The following MB21D2 variants were observed in gnomAD, a reference collection of about 807,000 sequenced individuals.
The protein encoded by MB21D2 is nucleotidyltransferase MB21D2.
MB21D2 carries 9 observed loss-of-function variants against 33.3 expected under a neutral mutation model. The observed-to-expected ratio is 0.27, with a 90% confidence interval of 0.16 to 0.47. The LOEUF (loss-of-function observed/expected upper bound fraction) is 0.47. Among genes scored for constraint, MB21D2 ranks in the 20% least tolerant of loss-of-function variants. The probability of loss-of-function intolerance (pLI) is 0.99; values close to 1 mark genes in which losing one functional copy is unlikely to be tolerated. For missense variants in MB21D2, 540 were observed against 624.6 expected, an observed-to-expected ratio of 0.86 and a Z score of 1.44; for synonymous variants, 241 against 236.3, an observed-to-expected ratio of 1.02 and a Z score of -0.18.
At chr3:192,871,511 G>T (rs6775108) in intron 1 of MB21D2, among the ~76,000 whole-genome samples, 90,225 of 152,018 alleles carry the variant, frequency 0.59, 28,194 homozygotes, top group African/African-American at 0.78. Flanking sequence ...AGCTGATATT[G>T]TATAACAACG....
chr3:192,902,024 T>C (rs1004814358), intron 1 of MB21D2, among the ~76,000 whole-genome samples: 1 of 152,188 alleles, frequency 6.6e-6, no homozygotes, highest in African/African-American at 2.4e-5. Context: ...ACCTTCTTAC[T>C]TTCAAAAGGA....
chr3:192,882,557 C>A (rs1179086165), intron 1 of MB21D2, among the ~76,000 whole-genome samples: 5 of 152,076 alleles, frequency 3.3e-5, no homozygotes, highest in Non-Finnish European at 7.3e-5. Flanking sequence ...ATCTGATTCT[C>A]TAGGAGATGA....
Position 192,798,680 on chromosome 3 carries a change from C to A in MB21D2, c.1182G>T (p.Met394Ile), listed in dbSNP as rs1025935342. The change falls in exon 2 of 2, where the codon ATG becomes ATT. Residue 394 changes from methionine (M) to isoleucine (I), a missense_variant. Coordinates refer to ENST00000392452, the MANE Select transcript of MB21D2 (RefSeq NM_178496.4). This position sits in a 1 kb window ranked among gnomAD's most constrained non-coding sequence, Gnocchi z 4.8. ...CAGAGGACAGCTTCCGGGCGTGAAG[C>A]ATGACTGTCTCCTCAGACAGATGTT... ...MLEHLSEETV[M>I]LHARKLSSVR... 5.3e-5 allele frequency: 85 copies of A among 1,613,220 alleles called. No homozygotes were observed. The highest frequency in any genetic ancestry group is 7.1e-5 in the Non-Finnish European group (84 of 1,180,036).
chr3:192,909,344 CT>C (rs1362708870), intron 1 of MB21D2, among the ~76,000 whole-genome samples: 2 of 151,886 alleles, frequency 1.3e-5, no homozygotes, highest in African/African-American at 2.4e-5. Context: ...TTATTAGTGC[CT>C]TAAATAATAA....
intron 1 of MB21D2, among the ~76,000 whole-genome samples, chr3:192,881,690 T>C (rs1486421740): frequency 6.6e-6 from 1 of 152,064 alleles, no homozygotes; most frequent in Non-Finnish European, 1.5e-5. Context: ...TCGGTACCTG[T>C]GGAGGCCAAG....
At chr3:192,873,963 G>A (rs1274899676) in intron 1 of MB21D2, among the ~76,000 whole-genome samples, 1 of 152,206 alleles carries the variant, frequency 6.6e-6, no homozygotes, top group Non-Finnish European at 1.5e-5. Context: ...GCCGACCAAA[G>A]TGCTGGGCCT....
At chr3:192,819,839 C>G (rs1407349324) in intron 1 of MB21D2, among the ~76,000 whole-genome samples, 1 of 152,190 alleles carries the variant, frequency 6.6e-6, no homozygotes, top group African/African-American at 2.4e-5. Flanking sequence ...TTGGGAGGCA[C>G]CTGACATCCA....
chr3:192,886,393 G>GT lies in MB21D2; in HGVS notation c.211+31236dup, dbSNP rs140759694. ...ACGTACGTTGACTAGTTTTCTTAAG[G>GT]TATTTCCCTTGTAGTATTTCCAAAC... On this transcript the variant is annotated intron_variant, in intron 1 of 1. Transcript: ENST00000392452. Among the ~76,000 whole-genome samples the GT allele has an allele frequency of 8.8e-3, 1,342 of 152,176 alleles. 30 individuals are homozygous for GT. The highest frequency in any genetic ancestry group is 0.031 in the African/African-American group (1,276 of 41,464).
intron 1 of MB21D2, among the ~76,000 whole-genome samples, chr3:192,836,104 T>C (rs1195906347): frequency 6.6e-6 from 1 of 152,182 alleles, no homozygotes; most frequent in Non-Finnish European, 1.5e-5. Flanking sequence ...GATCTAATTA[T>C]AGACATAGCT....
At chr3:192,893,750 CCTCTGGCTGGGGGGTGG>C (rs1214971460) in intron 1 of MB21D2, among the ~76,000 whole-genome samples, 1 of 152,134 alleles carries the variant, frequency 6.6e-6, no homozygotes, top group Non-Finnish European at 1.5e-5. Context: ...TAAAGAGCCA[CCTCTGGCTGGGGGGTGG>C]CTCATGTCTG....
At chr3:192,911,928 A>G (rs1421325278) in intron 1 of MB21D2, among the ~76,000 whole-genome samples, 5 of 152,198 alleles carry the variant, frequency 3.3e-5, no homozygotes, top group African/African-American at 1.2e-4. Flanking sequence ...GGAACTTTCC[A>G]AGCACATGGA....
chr3:192,827,489 T>C (rs1258148616), intron 1 of MB21D2, among the ~76,000 whole-genome samples: 1 of 152,136 alleles, frequency 6.6e-6, no homozygotes, highest in African/African-American at 2.4e-5. Flanking sequence ...GAGAAGTCTA[T>C]TGAAGCTGGA....
intron 1 of MB21D2, among the ~76,000 whole-genome samples, chr3:192,862,400 G>C (rs1713068094): frequency 6.6e-6 from 1 of 152,196 alleles, no homozygotes; most frequent in Non-Finnish European, 1.5e-5. Context: ...AGACAGCAGG[G>C]AGATAAATTT....
At chr3:192,822,400 G>C (rs1355610311) in intron 1 of MB21D2, among the ~76,000 whole-genome samples, 2 of 152,210 alleles carry the variant, frequency 1.3e-5, no homozygotes, top group Non-Finnish European at 2.9e-5. Flanking sequence ...CATGGAGGCA[G>C]AGACTTCATT....
At chr3:192,834,421 CAAAAAAA>C (rs35712980) in intron 1 of MB21D2, among the ~76,000 whole-genome samples, 1 of 127,128 alleles carries the variant, frequency 7.9e-6, no homozygotes, top group African/African-American at 2.8e-5. Flanking sequence ...CCAGTTATAT[CAAAAAAA>C]AAAAAAAAAA....
intron 1 of MB21D2, among the ~76,000 whole-genome samples, chr3:192,869,700 C>T (rs915756306): frequency 6.6e-6 from 1 of 152,200 alleles, no homozygotes; most frequent in African/African-American, 2.4e-5. Context: ...CCTCACCTTG[C>T]ACTTGGGGCC....
At chr3:192,848,391 C>A (rs940615390) in intron 1 of MB21D2, among the ~76,000 whole-genome samples, 2 of 152,126 alleles carry the variant, frequency 1.3e-5, no homozygotes, top group Middle Eastern at 3.2e-3. Flanking sequence ...GGGACATCTT[C>A]AAAAAACTCT....
At chr3:192,828,591 CATAT>C (rs58394740) in intron 1 of MB21D2, among the ~76,000 whole-genome samples, 2 of 54,132 alleles carry the variant, frequency 3.7e-5, no homozygotes, top group Non-Finnish European at 7.7e-5. Context: ...TCACCCCCCC[CATAT>C]ATATATATAT....
At chr3:192,869,335 A>AAG (rs1560244642) in intron 1 of MB21D2, among the ~76,000 whole-genome samples, 5 of 142,074 alleles carry the variant, frequency 3.5e-5, no homozygotes, top group Non-Finnish European at 7.5e-5. Flanking sequence ...AAAGGGAAGG[A>AAG]GGGAAGGGAG....
Sources: gnomAD v4.1 joint callset for allele counts (sites outside exome capture counted in the v4.1 genomes callset) on GRCh38, gnomAD v4.1.1 for gene constraint, Gnocchi (gnomAD v3.1) non-coding constraint, MANE v1.5 for transcripts, NCBI Gene and HGNC (gene_info 2026-07-23, HGNC 2026-07-21) for gene names.